SNTG1: variants seen among roughly 807,000 people sequenced by gnomAD.
The protein encoded by SNTG1 is gamma-1-syntrophin.
SNTG1 carries 39 observed loss-of-function variants against 74.7 expected under a neutral mutation model. That is an observed-to-expected ratio of 0.52 (90% confidence interval 0.40 to 0.68). SNTG1 has a LOEUF of 0.68. SNTG1 is among the 30% of genes least tolerant of loss of function. The pLI, the probability that SNTG1 is intolerant of heterozygous loss-of-function variation, is 0.00. For synonymous variants in SNTG1, 254 were observed against 217.1 expected (o/e 1.17, Z -1.49); for missense variants, 685 against 609.5 (o/e 1.12, Z -1.30).
chr8:50,637,790 CAT>C (rs1246045745), intron 13 of SNTG1, among the ~76,000 whole-genome samples: 1 of 151,940 alleles, frequency 6.6e-6, no homozygotes, highest in African/African-American at 2.4e-5. Context: ...ATCTAAAATA[CAT>C]ATCTTTATCT....
intron 1 of SNTG1, among the ~76,000 whole-genome samples, chr8:50,049,695 CT>C (rs1249569462): frequency 1.3e-5 from 2 of 152,002 alleles, no homozygotes; most frequent in African/African-American, 4.8e-5. Context: ...CCACAATAGA[CT>C]ACATTCGGGG....
intron 17 of SNTG1, among the ~76,000 whole-genome samples, chr8:50,710,405 A>T (rs1162518248): frequency 6.6e-6 from 1 of 152,112 alleles, no homozygotes; most frequent in African/African-American, 2.4e-5. Context: ...AATTAATTGA[A>T]TTATTAAATT....
intron 1 of SNTG1, among the ~76,000 whole-genome samples, chr8:50,131,736 A>G (rs961799368): frequency 3.3e-5 from 5 of 152,102 alleles, no homozygotes; most frequent in African/African-American, 9.7e-5. Context: ...TGGTAGTTCC[A>G]TATTTAATTT....
chr8:50,470,719 T>A (rs770399545), intron 8 of SNTG1, among the ~76,000 whole-genome samples: 3 of 152,166 alleles, frequency 2.0e-5, no homozygotes, highest in Non-Finnish European at 2.9e-5. Context: ...CTGTAGACCT[T>A]CGCTGTGAGT....
At chr8:50,710,589 C>A (rs2095458813) in intron 17 of SNTG1, among the ~76,000 whole-genome samples, 1 of 152,110 alleles carries the variant, frequency 6.6e-6, no homozygotes, top group East Asian at 1.9e-4. Flanking sequence ...AAATAAAATT[C>A]ACATGAATAT....
At chr8:50,313,676 G>A (rs1185832722) in intron 2 of SNTG1, among the ~76,000 whole-genome samples, 3 of 149,718 alleles carry the variant, frequency 2.0e-5, no homozygotes, top group Admixed American at 6.7e-5. Flanking sequence ...TATATTAAAC[G>A]TATTTTTAAA....
chr8:50,411,821 A>G (rs1421597223), intron 4 of SNTG1, among the ~76,000 whole-genome samples: 1 of 152,126 alleles, frequency 6.6e-6, no homozygotes, highest in African/African-American at 2.4e-5. Flanking sequence ...CAGTGAAAAC[A>G]TTGTCACCGG....
At chr8:50,217,023 A>G (rs922889103) in intron 2 of SNTG1, among the ~76,000 whole-genome samples, 2 of 151,542 alleles carry the variant, frequency 1.3e-5, no homozygotes, top group Admixed American at 1.3e-4. Flanking sequence ...ATATATATTT[A>G]TAAGTTTATT....
At chr8:50,501,099 T>A (rs1178276319) in intron 8 of SNTG1, among the ~76,000 whole-genome samples, 4 of 152,206 alleles carry the variant, frequency 2.6e-5, no homozygotes, top group Non-Finnish European at 4.4e-5. Flanking sequence ...GCACTTCTGC[T>A]GGCTTCCCGT....
chr8:50,084,046 A>G (rs529857056), intron 1 of SNTG1, among the ~76,000 whole-genome samples: 1 of 152,362 alleles, frequency 6.6e-6, no homozygotes, highest in African/African-American at 2.4e-5. Flanking sequence ...TTTTATTGCT[A>G]TAGCCATTCT....
chr8:50,781,518 G>A (rs1246037638), intron 18 of SNTG1, among the ~76,000 whole-genome samples: 1 of 152,102 alleles, frequency 6.6e-6, no homozygotes, highest in Non-Finnish European at 1.5e-5. Context: ...CAGAGACTAG[G>A]ATTGCAACTG....
At chr8:50,464,017 T>G (rs995422570) in intron 8 of SNTG1, among the ~76,000 whole-genome samples, 2 of 152,212 alleles carry the variant, frequency 1.3e-5, no homozygotes, top group African/African-American at 4.8e-5. Flanking sequence ...TCCTTAAACC[T>G]CATGAACCAA....
intron 1 of SNTG1, among the ~76,000 whole-genome samples, chr8:50,140,476 T>A (rs569561431): frequency 1.6e-4 from 25 of 152,198 alleles, no homozygotes; most frequent in African/African-American, 5.5e-4. Context: ...TAAGAGTGTG[T>A]GTGTTTGCGA....
At chr8:50,421,047 GGGGGA>G (rs2093077505) in intron 4 of SNTG1, among the ~76,000 whole-genome samples, 1 of 100,372 alleles carries the variant, frequency 1.0e-5, no homozygotes, top group Non-Finnish European at 2.2e-5. Flanking sequence ...GGCGGTGGGC[GGGGGA>G]GGGGGGGGCG....
At chr8:50,386,395 A>T (rs531524609) in intron 2 of SNTG1, among the ~76,000 whole-genome samples, 1 of 152,108 alleles carries the variant, frequency 6.6e-6, no homozygotes, top group South Asian at 2.1e-4. Context: ...TTTAGTTCAC[A>T]TTTATTTGCC....
At chr8:50,277,379 T>C (rs575597246) in intron 2 of SNTG1, among the ~76,000 whole-genome samples, 20 of 152,216 alleles carry the variant, frequency 1.3e-4, no homozygotes, top group African/African-American at 4.6e-4. Flanking sequence ...TTATACTCAA[T>C]TAACTACTGT....
chr8:50,008,587 A>G (rs1815473955), intron 1 of SNTG1, among the ~76,000 whole-genome samples: 1 of 152,178 alleles, frequency 6.6e-6, no homozygotes, highest in African/African-American at 2.4e-5. Context: ...AACGGATGAT[A>G]GATGTATGAT....
At chr8:50,175,218 G>T (rs1309178969) in intron 2 of SNTG1, among the ~76,000 whole-genome samples, 1 of 152,042 alleles carries the variant, frequency 6.6e-6, no homozygotes, top group East Asian at 1.9e-4. Context: ...AGTCCTTTGG[G>T]TATATACCCA....
intron 2 of SNTG1, among the ~76,000 whole-genome samples, chr8:50,307,209 A>G (rs1473084465): frequency 6.6e-6 from 1 of 152,098 alleles, no homozygotes; most frequent in East Asian, 1.9e-4. Flanking sequence ...ATTAACCTAT[A>G]TATGCATTCT....
Sources: allele counts gnomAD v4.1 joint callset (sites outside exome capture counted in the v4.1 genomes callset), GRCh38; gene constraint gnomAD v4.1.1; transcripts MANE v1.5; gene names NCBI Gene and HGNC (gene_info 2026-07-23, HGNC 2026-07-21).